SORD: variants seen among roughly 807,000 people sequenced by gnomAD.
SORD encodes (R,R)-butanediol dehydrogenase.
A neutral mutation model predicts 35.6 loss-of-function variants in SORD; 18 were observed. The ratio of observed to expected loss-of-function variants is 0.51; its 90% CI spans 0.35 to 0.75. The LOEUF is 0.75. Ranked by LOEUF, SORD falls within the 30% of genes least tolerant of loss-of-function variation. The pLI, the probability that SORD is intolerant of heterozygous loss-of-function variation, is 0.01. For synonymous variants in SORD, 106 were observed against 152.9 expected, an observed-to-expected ratio of 0.69 and a Z score of 2.26; for missense variants, 250 against 390.2, an observed-to-expected ratio of 0.64 and a Z score of 3.03.
At chr15:45,045,183 A>T (rs1372828085) in intron 3 of SORD, among the ~76,000 whole-genome samples, 1 of 152,144 alleles carries the variant, frequency 6.6e-6, no homozygotes, top group Non-Finnish European at 1.5e-5. Flanking sequence ...CAGCATCTTC[A>T]TACTTGAGAA....
Position 45,068,918 on chromosome 15 carries a change from G to T in SORD, c.652G>T (p.Ala218Ser). Residue 218 changes from alanine (A) to serine (S), a missense_variant, in exon 7 of 9, where the codon GCT (alanine) becomes TCT (serine). Around this residue, in one of 8 missense-constraint regions of SORD, gnomAD observed 7 missense variants for 27.4 expected, o/e 0.26. Transcript: ENST00000267814. The stretch of plus-strand genomic sequence containing the variant: ...ATTGTCCAAAGCCAAGGAGATTGGG[G>T]CTGATTTAGTCCTCCAGATCTCCAA... ...TRLSKAKEIG[A>S]DLVLQISKES... The T allele has an allele frequency of 1.3e-6, 2 of 1,575,452 alleles. No individual in the cohort carries two copies. The highest frequency in any genetic ancestry group is 1.2e-5 in the South Asian group (1 of 86,334).
At chr15:45,069,263 G>C (rs371702533) in intron 7 of SORD, among the ~76,000 whole-genome samples, 1 of 133,956 alleles carries the variant, frequency 7.5e-6, no homozygotes, top group Non-Finnish European at 1.5e-5. Context: ...CTGGAGTGCC[G>C]TGGCTCGATC....
intron 4 of SORD, among the ~76,000 whole-genome samples, chr15:45,065,014 G>C (rs147311185): frequency 0.013 from 1,919 of 152,250 alleles, 39 homozygotes; most frequent in African/African-American, 0.043. Flanking sequence ...AGCTTTGGAT[G>C]GTTGGGGCAA....
chr15:45,055,182 G>T (rs1425790381), intron 3 of SORD, among the ~76,000 whole-genome samples: 1 of 152,148 alleles, frequency 6.6e-6, no homozygotes, highest in African/African-American at 2.4e-5. Context: ...ATTCTGTAAA[G>T]AAAGTCATTG....
intron 3 of SORD, among the ~76,000 whole-genome samples, chr15:45,055,857 T>C (rs1424975806): frequency 6.6e-6 from 1 of 152,100 alleles, no homozygotes; most frequent in African/African-American, 2.4e-5. Context: ...ATAAATGTAA[T>C]CCAGCATATA....
intron 3 of SORD, among the ~76,000 whole-genome samples, chr15:45,059,051 A>G (rs1281197992): frequency 2.0e-5 from 3 of 152,056 alleles, no homozygotes; most frequent in African/African-American, 7.2e-5. Context: ...GAACCAAGGC[A>G]TTTCTATGTT....
At chr15:45,036,585 T>C (rs148981758) in intron 1 of SORD, among the ~76,000 whole-genome samples, 3,088 of 152,096 alleles carry the variant, frequency 0.02, 70 homozygotes, top group South Asian at 0.11. Flanking sequence ...TCCCAGCTAC[T>C]TGGGAGGCTG....
chr15:45,029,608 T>G (rs1234769901), intron 1 of SORD, among the ~76,000 whole-genome samples: 2 of 152,384 alleles, frequency 1.3e-5, no homozygotes, highest in East Asian at 3.9e-4. Context: ...AGTTGGCCCC[T>G]TGCCTCGCTG....
At chr15:45,066,876 T>C (rs1047836181) in intron 5 of SORD, among the ~76,000 whole-genome samples, 2 of 152,024 alleles carry the variant, frequency 1.3e-5, no homozygotes, top group African/African-American at 4.8e-5. Flanking sequence ...CTTTTTACCA[T>C]AGAAAAGGAA....
At chr15:45,054,866 C>G (rs879274841) in intron 3 of SORD, among the ~76,000 whole-genome samples, 74 of 151,314 alleles carry the variant, frequency 4.9e-4, no homozygotes, top group Non-Finnish European at 9.6e-4. Context: ...CTACATATGG[C>G]TAGCCAGTTT....
intron 3 of SORD, among the ~76,000 whole-genome samples, chr15:45,045,100 T>C (rs932402917): frequency 6.6e-6 from 1 of 152,228 alleles, no homozygotes; most frequent in Non-Finnish European, 1.5e-5. Flanking sequence ...CACTCACTAG[T>C]TGGTCTCAGA....
At position 45,023,259 on chromosome 15, in the gene SORD, C is replaced by T. The variant is rs1892617571; in HGVS notation, c.-25C>T. ...ACCAAACGTCCCGCGCCTTCCAGGC[C>T]GCACTCCAGAGCCAAAAGAGCTCCA... On this transcript the variant is annotated 5_prime_UTR_variant, in exon 1 of 9. Transcript: ENST00000267814. 2 of 1,545,854 alleles carry T rather than the reference C, an allele frequency of 1.3e-6. No homozygotes were observed. The highest frequency in any genetic ancestry group is 2.0e-5 in the Admixed American group (1 of 49,696).
Position 45,073,529 on chromosome 15 carries a change from G to A in SORD, c.1073G>A (p.Ter358=). Residue 358 remains the stop codon, a stop_retained_variant, in exon 9 of 9, where the codon TGA becomes TAA. Transcript: ENST00000267814. ...TGTGACCCCAGTGACCAGAATCCCT[G>A]ATGTTAATGGGCTCTGCCCTCATCC... is the stretch of plus-strand genomic sequence containing the variant. ...LKCDPSDQNP[*] 2 of 1,592,342 alleles carry A rather than the reference G, an allele frequency of 1.3e-6. No individual in the cohort carries two copies. Among genetic ancestry groups the A allele is most frequent in the Non-Finnish European group, 1.7e-6 (2 of 1,173,002 alleles).
At position 45,073,591 on chromosome 15, in the gene SORD, A is replaced by T; in HGVS notation, c.*61A>T. On this transcript the variant is annotated 3_prime_UTR_variant, in exon 9 of 9. Transcript: ENST00000267814. ...GGATCTCAGGGCACAATGGCTGGAC[A>T]TGGGTGGGCTCTGATGCAGAACTTT... 2.6e-6 allele frequency: 4 copies of T among 1,548,774 alleles called. No homozygotes were observed. The highest frequency in any genetic ancestry group is 3.5e-6 in the Non-Finnish European group (4 of 1,153,180).
chr15:45,027,928 A>G (rs1483488869), intron 1 of SORD, among the ~76,000 whole-genome samples: 2 of 152,256 alleles, frequency 1.3e-5, no homozygotes, highest in East Asian at 1.9e-4. Context: ...ACTTTAATAC[A>G]GGGCTTTACA....
At chr15:45,044,345 C>T (rs1893012677) in intron 3 of SORD, among the ~76,000 whole-genome samples, 1 of 151,876 alleles carries the variant, frequency 6.6e-6, no homozygotes, top group Admixed American at 6.6e-5. Context: ...AGTCAGTTGT[C>T]CACAATGAGC....
intron 1 of SORD, among the ~76,000 whole-genome samples, chr15:45,025,373 G>C (rs537215376): frequency 4.6e-4 from 70 of 152,212 alleles, no homozygotes; most frequent in South Asian, 1.2e-3. Context: ...TGTGGTGGCT[G>C]ATGCCTGTAA....
intron 1 of SORD, among the ~76,000 whole-genome samples, chr15:45,031,908 A>G (rs922008106): frequency 3.8e-5 from 5 of 131,914 alleles, no homozygotes; most frequent in African/African-American, 5.3e-5. Flanking sequence ...TTGTTGGTGG[A>G]AACAACCCAG....
intron 3 of SORD, among the ~76,000 whole-genome samples, chr15:45,047,762 T>C (rs1413819016): frequency 6.6e-6 from 1 of 152,208 alleles, no homozygotes; most frequent in East Asian, 1.9e-4. Context: ...CTCACTGGCA[T>C]TCAGCCGTGT....
Sources: allele counts gnomAD v4.1 joint callset (sites outside exome capture counted in the v4.1 genomes callset), GRCh38; gene constraint gnomAD v4.1.1; regional missense constraint gnomAD v4.1.1; transcripts MANE v1.5; gene names NCBI Gene and HGNC (gene_info 2026-07-23, HGNC 2026-07-21).